GSN: variants seen among roughly 807,000 people sequenced by gnomAD.
GSN encodes the protein gelsolin, also known as actin-depolymerizing factor.
In GSN, 56 loss-of-function variants were observed where a neutral mutation model predicts 85.7. The observed-to-expected ratio is 0.65, with a 90% CI of 0.53 to 0.82. The LOEUF is 0.82. GSN is among the 40% of genes least tolerant of loss of function. The pLI, the probability that GSN is intolerant of heterozygous loss-of-function variation, is 0.00. For missense variants in GSN, 857 were observed against 979.8 expected (o/e 0.87, Z 1.67); for synonymous variants, 373 against 399.1 (o/e 0.93, Z 0.78).
rs1464985912 is a variant in GSN at position 121,317,194 on chromosome 9, G to C, written c.862G>C (p.Asp288His). ...CTGCTTCATCCTGGACCACGGCAAA[G>C]ATGGGAAAATCTTTGTCTGGAAAGG... The part of the protein sequence containing the change: ...EDCFILDHGK[D>H]GKIFVWKGKQ... The change falls in exon 8 of 18, where the codon GAT becomes CAT. Residue 288 changes from aspartate (D) to histidine (H), a missense_variant. Transcript: ENST00000432226. 6.2e-7 allele frequency: 1 copy of C among 1,614,090 alleles called. No homozygotes were observed. Among genetic ancestry groups the C allele is most frequent in the East Asian group, 2.2e-5 (1 of 44,894 alleles).
chr9:121,326,258 G>C (rs2133870061), intron 12 of GSN, among the ~76,000 whole-genome samples: 1 of 151,974 alleles, frequency 6.6e-6, no homozygotes, highest in East Asian at 1.9e-4. Flanking sequence ...GGACCAGGCT[G>C]AGGATCAGGA....
At chr9:121,315,167 A>G (rs1033185155) in intron 7 of GSN, among the ~76,000 whole-genome samples, 5 of 152,120 alleles carry the variant, frequency 3.3e-5, no homozygotes, top group Middle Eastern at 3.4e-3. Context: ...GGCCATTTCT[A>G]TTTTGTGTAA....
intron 8 of GSN, chr9:121,317,569 C>A: frequency 3.0e-6 from 1 of 335,104 alleles, no homozygotes; most frequent in Non-Finnish European, 5.8e-6. Context: ...TTAAAATGTT[C>A]GAGTTTGTTT....
Position 121,299,165 on chromosome 9 carries a change from A to G in GSN, c.-9-2798A>G, listed in dbSNP as rs1246900958. Reference sequence around the variant, plus strand: ...GTTTTGATCAAAATAAGACTTTTAAAAAACAAACACTTTTTAAAAAGAAGG... The same window carrying G: ...GTTTTGATCAAAATAAGACTTTTAAGAAACAAACACTTTTTAAAAAGAAGG... On this transcript the variant is annotated intron_variant, in intron 2 of 17. Transcript: ENST00000432226. The surrounding 1 kb of genome is among the most constrained non-coding windows in gnomAD (Gnocchi z 4.2). 3.9e-6 allele frequency: 1 copy of G among 258,808 alleles called. No homozygotes were observed. Among genetic ancestry groups the G allele is most frequent in the Admixed American group, 6.5e-5 (1 of 15,446 alleles). 16.0% of individuals were successfully genotyped at this position (258,808 alleles called of 1,614,324 possible). A position where few individuals can be genotyped will look rare whatever the true frequency, so the allele number is the denominator to read the frequency against.
chr9:121,214,840 C>G (rs1302604531), intron 4 of GSN, among the ~76,000 whole-genome samples: 4 of 152,198 alleles, frequency 2.6e-5, no homozygotes, highest in Admixed American at 1.3e-4. Context: ...AGATGTACCT[C>G]CTGGAAGTAC....
At chr9:121,295,802 G>T (rs1468918829) in intron 2 of GSN, among the ~76,000 whole-genome samples, 1 of 152,234 alleles carries the variant, frequency 6.6e-6, no homozygotes, top group African/African-American at 2.4e-5. Context: ...TCCAGGAATA[G>T]CCGAGATCAG....
At chr9:121,327,533 T>G in intron 14 of GSN, 51 bp downstream of exon 14, 1 of 1,441,446 alleles carries the variant, frequency 6.9e-7, no homozygotes, top group Non-Finnish European at 9.4e-7. Flanking sequence ...GCTATTAAGT[T>G]TCCCCCTTCT....
At position 121,215,651 on chromosome 9, in the gene GSN, G is replaced by A. The variant is rs550449766; in HGVS notation, c.-528+4784G>A. On this transcript the variant is annotated intron_variant, in intron 4 of 24. Coordinates refer to the GSN transcript ENST00000373823. Reference sequence around the variant, plus strand: ...AGAGGTTGCAGTGAGCCAAGATCGCGCCACTGCACTCCAGCCTGAGTGACA... The same window carrying A: ...AGAGGTTGCAGTGAGCCAAGATCGCACCACTGCACTCCAGCCTGAGTGACA... Among the ~76,000 whole-genome samples the A allele has an allele frequency of 6.2e-4, 94 of 150,958 alleles. 1 individual carries two copies. The highest frequency in any genetic ancestry group is 8.5e-4 in the African/African-American group (35 of 41,134).
chr9:121,209,352 A>G (rs2053932316), exon 2 of GSN: 1 of 149,784 alleles, frequency 6.7e-6, no homozygotes, highest in South Asian at 2.1e-4. Flanking sequence ...ATCCTTCCTC[A>G]CTGAAACCAG....
chr9:121,244,214 A>G (rs2054657339), intron 5 of GSN, among the ~76,000 whole-genome samples: 1 of 152,256 alleles, frequency 6.6e-6, no homozygotes, highest in African/African-American at 2.4e-5. Flanking sequence ...TAGATTAAAT[A>G]GATGTATCAC....
At chr9:121,246,102 T>G (rs1156520198) in intron 5 of GSN, among the ~76,000 whole-genome samples, 1 of 152,170 alleles carries the variant, frequency 6.6e-6, no homozygotes, top group East Asian at 1.9e-4. Context: ...AAGATTTGCC[T>G]CAAAATTATC....
chr9:121,300,329 T>C (rs772777836), intron 2 of GSN, among the ~76,000 whole-genome samples: 18 of 152,046 alleles, frequency 1.2e-4, no homozygotes, highest in Non-Finnish European at 2.2e-4. Context: ...ACTTCTCTCC[T>C]TCTCTCTTCT....
chr9:121,300,183 G>C, intron 2 of GSN: 1 of 1,253,562 alleles, frequency 8.0e-7, no homozygotes, highest in South Asian at 1.2e-5. Flanking sequence ...TGGGAGCCTC[G>C]GGGCCCTGGC....
At chr9:121,317,442 G>A in intron 8 of GSN, 1 of 558,800 alleles carries the variant, frequency 1.8e-6, no homozygotes, top group South Asian at 2.0e-5. Flanking sequence ...GCTAAAATGG[G>A]TGTTTCCCAA....
chr9:121,307,864 C>CTTTCTGCGCTTCCCCTGCA (rs1446071231), intron 4 of GSN, among the ~76,000 whole-genome samples: 4 of 152,052 alleles, frequency 2.6e-5, no homozygotes, highest in Admixed American at 6.5e-5. Flanking sequence ...CTTCCCCTGC[C>CTTTCTGCGCTTCCCCTGCA]TTTCTGCGCT....
intron 4 of GSN, among the ~76,000 whole-genome samples, chr9:121,224,481 C>T (rs1247777106): frequency 1.3e-5 from 2 of 152,124 alleles, no homozygotes; most frequent in Non-Finnish European, 2.9e-5. Context: ...TCCTCTTCCT[C>T]TCTCCCTAGT....
In GSN at chr9:121,299,628, G is replaced by T. The variant is rs1301016284; in HGVS notation, c.-9-2335G>T. The T allele has an allele frequency of 2.1e-6, 1 of 476,760 alleles. No homozygotes were observed. Among genetic ancestry groups the T allele is most frequent in the South Asian group, 9.0e-5 (1 of 11,054 alleles). 29.5% of individuals were successfully genotyped at this position (476,760 alleles called of 1,614,324 possible). On this transcript the variant is annotated intron_variant, in intron 2 of 17. Transcript: ENST00000432226. This position sits in a 1 kb window ranked among gnomAD's most constrained non-coding sequence, Gnocchi z 4.2. Reference sequence around the variant, plus strand: ...AGTGTGCACACAGCTAGCGCCCGCCGTATGTCAGGCCTGGTGCTGGGTCTC... The same window carrying T: ...AGTGTGCACACAGCTAGCGCCCGCCTTATGTCAGGCCTGGTGCTGGGTCTC...
chr9:121,299,403 C>A lies in GSN; in HGVS notation c.-9-2560C>A. ...GTGCAAGTTGCTTCACCACTCTGCG[C>A]TGTTCCCCCCTCTGTAAAATGGGTT... On this transcript the variant is annotated intron_variant, in intron 2 of 17. Coordinates refer to ENST00000432226, the MANE Select transcript of GSN (RefSeq NM_198252.3). The surrounding 1 kb of genome is among the most constrained non-coding windows in gnomAD (Gnocchi z 4.2). The A allele has an allele frequency of 1.0e-6, 1 of 975,458 alleles. No homozygotes were observed. The highest frequency in any genetic ancestry group is 1.2e-6 in the Non-Finnish European group (1 of 820,756). The allele number at this position is 975,458 out of a possible 1,614,324, so 60.4% of individuals were successfully genotyped here. A position where few individuals can be genotyped will look rare whatever the true frequency, so the allele number is the denominator to read the frequency against.
At chr9:121,300,253 T>C (rs1588933564) in intron 2 of GSN, 4 of 698,230 alleles carry the variant, frequency 5.7e-6, no homozygotes, top group Non-Finnish European at 7.9e-6. Flanking sequence ...TGTCCTCCTC[T>C]AACATCTTAC....
Sources: gnomAD v4.1 joint callset for allele counts (sites outside exome capture counted in the v4.1 genomes callset) on GRCh38, gnomAD v4.1.1 for gene constraint, Gnocchi (gnomAD v3.1) non-coding constraint, MANE v1.5 for transcripts, NCBI Gene and HGNC (gene_info 2026-07-23, HGNC 2026-07-21) for gene names.